GPM6A: variants seen among roughly 807,000 people sequenced by gnomAD.
GPM6A encodes the protein glycoprotein M6A.
In GPM6A, 7 loss-of-function variants were observed where a neutral mutation model predicts 32.1. The observed-to-expected ratio is 0.22, with a 90% CI of 0.12 to 0.41. The LOEUF (loss-of-function observed/expected upper bound fraction) is 0.41, where lower values mean the gene tolerates loss of function less well. GPM6A is among the 10% of genes least tolerant of loss of function. The pLI is 1.00. For synonymous variants in GPM6A, 130 were observed against 123.4 expected, an observed-to-expected ratio of 1.05 and a Z score of -0.35; for missense variants, 235 against 347.2, an observed-to-expected ratio of 0.68 and a Z score of 2.57.
intron 1 of GPM6A, among the ~76,000 whole-genome samples, chr4:175,770,961 GAATAAAA>G (rs1361689079): frequency 6.6e-6 from 1 of 152,088 alleles, no homozygotes; most frequent in African/African-American, 2.4e-5. Flanking sequence ...CACCTTCTGA[GAATAAAA>G]CAGATAACAA....
intron 1 of GPM6A, among the ~76,000 whole-genome samples, chr4:175,777,747 CTCT>C (rs1733451680): frequency 6.6e-6 from 1 of 152,014 alleles, no homozygotes; most frequent in Non-Finnish European, 1.5e-5. Flanking sequence ...TTTCAAACTT[CTCT>C]TCAATGTTAT....
intron 1 of GPM6A, among the ~76,000 whole-genome samples, chr4:175,712,107 A>G (rs1050793987): frequency 6.6e-6 from 1 of 152,266 alleles, no homozygotes; most frequent in Admixed American, 6.5e-5. Context: ...TTAGAAGATC[A>G]GACAAGGAAG....
intron 2 of GPM6A, among the ~76,000 whole-genome samples, chr4:175,695,849 T>C (rs974748804): frequency 6.6e-6 from 1 of 152,180 alleles, no homozygotes; most frequent in African/African-American, 2.4e-5. Flanking sequence ...TCAAATCTCA[T>C]GTTCAATTAT....
At position 175,879,708 on chromosome 4, in the gene GPM6A, T is replaced by A. The variant is rs545058022; in HGVS notation, c.-22-67459A>T. ...TATCAAGCACCTTTATATAGCAACA[T>A]CAAAATAGTAGGCAAAATGGCCTTC... On this transcript the variant is annotated intron_variant, in intron 1 of 7. Transcript: ENST00000280187. Among the ~76,000 whole-genome samples, 16 of 152,202 alleles carry A rather than the reference T, an allele frequency of 1.1e-4. No individual in the cohort carries two copies. The South Asian group carries it at 3.3e-3, about 32-fold the overall frequency.
At chr4:175,967,725 A>G (rs1478018016) in intron 1 of GPM6A, among the ~76,000 whole-genome samples, 1 of 152,170 alleles carries the variant, frequency 6.6e-6, no homozygotes, top group Non-Finnish European at 1.5e-5. Flanking sequence ...TATACACAAG[A>G]ACTATATGAA....
chr4:175,839,458 C>T (rs891595802), intron 1 of GPM6A, among the ~76,000 whole-genome samples: 1 of 152,124 alleles, frequency 6.6e-6, no homozygotes, highest in Non-Finnish European at 1.5e-5. Flanking sequence ...GTTTGGACTT[C>T]ACCAAAAGTA....
chr4:175,760,993 T>C (rs1444071546), intron 1 of GPM6A, among the ~76,000 whole-genome samples: 1 of 152,198 alleles, frequency 6.6e-6, no homozygotes, highest in Non-Finnish European at 1.5e-5. Context: ...TATTGTTTTA[T>C]GTAATTCTCA....
chr4:175,694,574 A>G (rs1477460813), intron 2 of GPM6A, among the ~76,000 whole-genome samples: 1 of 152,216 alleles, frequency 6.6e-6, no homozygotes, highest in Non-Finnish European at 1.5e-5. Flanking sequence ...AAAGCATTCA[A>G]GATGTGACCT....
At position 175,683,594 on chromosome 4, in the gene GPM6A, G is replaced by A. The variant is rs144018433; in HGVS notation, c.231-9758C>T. ...GGTAGGGCCTGATGGGAGGCATTTG[G>A]GTCTTGGGGGTGGATCTCTCATGGC... On this transcript the variant is annotated intron_variant, in intron 2 of 6. Transcript: ENST00000393658. Among the ~76,000 whole-genome samples, 32 of 152,058 alleles carry A rather than the reference G, an allele frequency of 2.1e-4. No homozygotes were observed. The East Asian group carries it at 3.5e-3, about 17-fold the overall frequency.
chr4:175,782,834 G>A (rs1016234010), intron 1 of GPM6A, among the ~76,000 whole-genome samples: 12 of 151,766 alleles, frequency 7.9e-5, no homozygotes, highest in African/African-American at 2.7e-4. Context: ...CGATGTTACC[G>A]TTTGAACTAC....
intron 1 of GPM6A, among the ~76,000 whole-genome samples, chr4:175,994,898 C>T (rs562381945): frequency 1.3e-5 from 2 of 152,172 alleles, no homozygotes; most frequent in Non-Finnish European, 2.9e-5. Flanking sequence ...TACTCTAGAA[C>T]CTTTGTTGTC....
chr4:175,941,301 C>T (rs560540331), intron 1 of GPM6A, among the ~76,000 whole-genome samples: 1 of 152,212 alleles, frequency 6.6e-6, no homozygotes, highest in South Asian at 2.1e-4. Flanking sequence ...AGGGATAATA[C>T]TAGAGACGTC....
intron 1 of GPM6A, among the ~76,000 whole-genome samples, chr4:175,714,301 TAC>T (rs1394580750): frequency 1.3e-5 from 2 of 152,234 alleles, no homozygotes; most frequent in African/African-American, 4.8e-5. Flanking sequence ...AAACAACATA[TAC>T]AGTTTATAAC....
chr4:175,700,324 C>G (rs1481768074), intron 2 of GPM6A, among the ~76,000 whole-genome samples: 4 of 151,968 alleles, frequency 2.6e-5, no homozygotes, highest in Admixed American at 6.6e-5. Flanking sequence ...CTGCCTAAAC[C>G]TGATGGAGTA....
rs559175192 is a variant in GPM6A at position 175,676,309 on chromosome 4, G to A, written c.231-2473C>T. Among the ~76,000 whole-genome samples the A allele has an allele frequency of 2.6e-5, 4 of 152,192 alleles. No homozygotes were observed. In the East Asian group the frequency reaches 7.7e-4, roughly 29 times the overall value. The stretch of plus-strand genomic sequence containing the variant: ...CCAGCCTTGGCCTCCTACAGTGCTA[G>A]GATTACATGTGTGAGCCACTACACC... On this transcript the variant is annotated intron_variant, in intron 2 of 6. Transcript: ENST00000393658.
intron 1 of GPM6A, among the ~76,000 whole-genome samples, chr4:175,959,472 T>C (rs1445607465): frequency 6.6e-6 from 1 of 151,844 alleles, no homozygotes; most frequent in African/African-American, 2.4e-5. Flanking sequence ...CACAGTTCAG[T>C]GACTGCTGCA....
chr4:175,830,936 T>G (rs1293749283), intron 1 of GPM6A, among the ~76,000 whole-genome samples: 3 of 152,206 alleles, frequency 2.0e-5, no homozygotes, highest in African/African-American at 4.8e-5. Flanking sequence ...TTGATTTAAT[T>G]GGACAATTTT....
chr4:175,853,345 G>C (rs1359671695), intron 1 of GPM6A, among the ~76,000 whole-genome samples: 4 of 151,934 alleles, frequency 2.6e-5, no homozygotes, highest in Non-Finnish European at 5.9e-5. Flanking sequence ...AAGTTTACAG[G>C]AAAGTACTAA....
intron 1 of GPM6A, among the ~76,000 whole-genome samples, chr4:175,996,612 T>C (rs1385586931): frequency 6.6e-6 from 1 of 152,214 alleles, no homozygotes; most frequent in Non-Finnish European, 1.5e-5. Flanking sequence ...TGAGTGGAGC[T>C]TATCCCAGTA....
Sources: gnomAD v4.1 joint callset for allele counts (sites outside exome capture counted in the v4.1 genomes callset) on GRCh38, gnomAD v4.1.1 for gene constraint, MANE v1.5 for transcripts, NCBI Gene and HGNC (gene_info 2026-07-23, HGNC 2026-07-21) for gene names.